Variants in TFPI observed in about 807,000 individuals in gnomAD.
The protein encoded by TFPI is anti-convertin.
A neutral mutation model predicts 34.6 loss-of-function variants in TFPI; 15 were observed. The observed-to-expected ratio is 0.43, with a 90% confidence interval of 0.29 to 0.67. TFPI has a LOEUF of 0.67. TFPI is among the 30% of genes least tolerant of loss of function. TFPI has a pLI of 0.15. For synonymous variants in TFPI, 105 were observed against 120.1 expected (o/e 0.87, Z 0.82); for missense variants, 301 against 364.0 (o/e 0.83, Z 1.41).
In TFPI at chr2:187,546,283, T is replaced by TATATATATA. The variant is rs1688855801; in HGVS notation, c.-3+7916_-3+7917insTATATATAT. ...TGGACTTTATAGTTAAATTTGTAAGTTTTTTTTTTTTTTTTTCAGAAAAAG... is the reference window on the plus strand; with the variant it reads ...TGGACTTTATAGTTAAATTTGTAAGTATATATATATTTTTTTTTTTTTTTTCAGAAAAAG... On this transcript the variant is annotated intron_variant, in intron 1 of 7. Coordinates refer to ENST00000233156, the MANE Select transcript of TFPI (RefSeq NM_006287.6). Among the ~76,000 whole-genome samples, 27 of 26,654 alleles carry TATATATATA rather than the reference T, an allele frequency of 1.0e-3. No individual in the cohort carries two copies. In the Admixed American group the frequency reaches 0.012, roughly 12 times the overall value. 17.5% of individuals were successfully genotyped at this position (26,654 alleles called of 152,430 possible).
intron 1 of TFPI, chr2:187,544,435 CT>C (rs1688742311): frequency 6.6e-6 from 1 of 152,110 alleles, no homozygotes; most frequent in Non-Finnish European, 1.5e-5. Context: ...ACATTCTAAA[CT>C]TGAAAAGTAA....
chr2:187,545,351 C>T (rs1354382018), intron 1 of TFPI, among the ~76,000 whole-genome samples: 1 of 152,072 alleles, frequency 6.6e-6, no homozygotes, highest in African/African-American at 2.4e-5. Context: ...CATATGCAAA[C>T]TATTTATTTA....
intron 1 of TFPI, among the ~76,000 whole-genome samples, chr2:187,532,435 C>T (rs187741845): frequency 1.4e-3 from 216 of 152,288 alleles, no homozygotes; most frequent in Non-Finnish European, 2.2e-3. Flanking sequence ...GAGGGCAAGC[C>T]GAAGCAGGGT....
chr2:187,521,281 A>G (rs947539609), intron 1 of TFPI, among the ~76,000 whole-genome samples: 2 of 152,094 alleles, frequency 1.3e-5, no homozygotes, highest in African/African-American at 4.8e-5. Flanking sequence ...CTCCTATTTT[A>G]AGGCAGAATA....
At chr2:187,487,314 A>T (rs553399128) in intron 4 of TFPI, among the ~76,000 whole-genome samples, 32 of 145,126 alleles carry the variant, frequency 2.2e-4, no homozygotes, top group Non-Finnish European at 3.0e-4. Flanking sequence ...ATTTATAGGA[A>T]TCTATTTTTT....
At chr2:187,501,391 C>T (rs964170754) in intron 2 of TFPI, among the ~76,000 whole-genome samples, 14 of 148,360 alleles carry the variant, frequency 9.4e-5, no homozygotes, top group Admixed American at 4.8e-4. Flanking sequence ...TAAGAATACT[C>T]ATCCTCTTGG....
At chr2:187,548,920 T>C (rs1010339102) in intron 1 of TFPI, among the ~76,000 whole-genome samples, 1 of 152,056 alleles carries the variant, frequency 6.6e-6, no homozygotes, top group Non-Finnish European at 1.5e-5. Context: ...CTAAGGAAAG[T>C]TAATTCTGGG....
intron 7 of TFPI, 144 bp downstream of exon 7, chr2:187,467,609 A>T: frequency 1.5e-6 from 1 of 664,976 alleles, no homozygotes; most frequent in Non-Finnish European, 2.2e-6. Flanking sequence ...AATATTATCT[A>T]AATGTAATTG....
rs1173949425 is a variant in TFPI, at chr2:187,522,724, A to G, written c.-2-18954T>C. ...TGGTGAAACCCCGTCTCTACTAAAA[A>G]TACAAAAAAAAAAAAAAAAACCCAG... On this transcript the variant is annotated intron_variant, in intron 1 of 7. Coordinates refer to ENST00000233156, the MANE Select transcript of TFPI (RefSeq NM_006287.6). Among the ~76,000 whole-genome samples the G allele has an allele frequency of 4.2e-5, 5 of 117,862 alleles. No individual in the cohort carries two copies. In the East Asian group the frequency reaches 1.2e-3, roughly 28 times the overall value. The allele number at this position is 117,862 out of a possible 152,430, so 77.3% of individuals were successfully genotyped here. A position where few individuals can be genotyped will look rare whatever the true frequency, so the allele number is the denominator to read the frequency against.
chr2:187,521,308 A>G (rs1200477833), intron 1 of TFPI, among the ~76,000 whole-genome samples: 1 of 152,102 alleles, frequency 6.6e-6, no homozygotes, highest in African/African-American at 2.4e-5. Context: ...CACTGTATAT[A>G]TGTATATACC....
At chr2:187,497,166 T>C in intron 2 of TFPI, 88 bp from the exon 3 acceptor site, 1 of 1,219,310 alleles carries the variant, frequency 8.2e-7, no homozygotes, top group Non-Finnish European at 1.1e-6. Context: ...TGTCCTGATT[T>C]TAAGGAAAAG....
chr2:187,477,379 T>C lies in TFPI; in HGVS notation c.628+6745A>G, dbSNP rs373828792. Among the ~76,000 whole-genome samples the C allele has an allele frequency of 1.4e-4, 21 of 152,332 alleles. No individual in the cohort carries two copies. In the South Asian group the frequency reaches 4.4e-3, roughly 32 times the overall value. On this transcript the variant is annotated intron_variant, in intron 6 of 7. Coordinates refer to ENST00000233156, the MANE Select transcript of TFPI (RefSeq NM_006287.6). ...CTTTAGATTATGAGGGATGTTCCTG[T>C]GCTTCTTGGTCTTAGAACACATTAT...
intron 6 of TFPI, among the ~76,000 whole-genome samples, chr2:187,469,723 T>C (rs963263206): frequency 1.3e-5 from 2 of 152,134 alleles, no homozygotes; most frequent in Admixed American, 6.6e-5. Flanking sequence ...CATGCCTGTA[T>C]TTTGTATCCT....
intron 1 of TFPI, among the ~76,000 whole-genome samples, chr2:187,542,387 G>A (rs892578625): frequency 6.6e-6 from 1 of 151,978 alleles, no homozygotes; most frequent in Non-Finnish European, 1.5e-5. Flanking sequence ...CAGAAACAGA[G>A]AGAGAGATGA....
intron 1 of TFPI, among the ~76,000 whole-genome samples, chr2:187,552,369 T>A (rs1227258297): frequency 1.3e-5 from 2 of 152,208 alleles, no homozygotes; most frequent in Non-Finnish European, 2.9e-5. Flanking sequence ...TTGAAAGATG[T>A]AAACAAAAGA....
chr2:187,503,910 T>C, intron 1 of TFPI, 140 bp from the exon 2 acceptor site: 2 of 828,258 alleles, frequency 2.4e-6, no homozygotes, highest in Non-Finnish European at 3.6e-6. Context: ...TCTCTGTGCA[T>C]ACTCAATGAG....
chr2:187,482,627 C>T (rs1395835281), intron 6 of TFPI, among the ~76,000 whole-genome samples: 2 of 151,972 alleles, frequency 1.3e-5, no homozygotes, highest in African/African-American at 4.8e-5. Flanking sequence ...GTGTTAATTG[C>T]ACACTTATTG....
At chr2:187,512,142 C>G (rs2106163699) in intron 1 of TFPI, among the ~76,000 whole-genome samples, 1 of 152,060 alleles carries the variant, frequency 6.6e-6, no homozygotes, top group East Asian at 1.9e-4. Context: ...AATCCTTGAC[C>G]CAGTAACCTG....
intron 6 of TFPI, among the ~76,000 whole-genome samples, chr2:187,469,926 A>T (rs1488959738): frequency 6.6e-6 from 1 of 152,138 alleles, no homozygotes; most frequent in Non-Finnish European, 1.5e-5. Context: ...GATGTGTATT[A>T]TCATCATCCT....
Sources: allele counts gnomAD v4.1 joint callset (sites outside exome capture counted in the v4.1 genomes callset), GRCh38; gene constraint gnomAD v4.1.1; transcripts MANE v1.5; gene names NCBI Gene and HGNC (gene_info 2026-07-23, HGNC 2026-07-21).